CLUAP1: variants seen among roughly 807,000 people sequenced by gnomAD.
CLUAP1 encodes the protein clusterin-associated protein 1.
CLUAP1 carries 50 observed loss-of-function variants against 55.0 expected under a neutral mutation model. That is an observed-to-expected ratio of 0.91 (90% CI 0.72 to 1.15). CLUAP1 has a LOEUF of 1.15. Ranked by LOEUF, CLUAP1 falls within the 50% of genes most tolerant of loss-of-function variation. The pLI, the probability that CLUAP1 is intolerant of heterozygous loss-of-function variation, is 0.00. For synonymous variants in CLUAP1, 195 were observed against 175.4 expected, an observed-to-expected ratio of 1.11 and a Z score of -0.88; for missense variants, 530 against 507.6, an observed-to-expected ratio of 1.04 and a Z score of -0.42.
In CLUAP1 at chr16:3,528,426, G is replaced by C. The variant is rs74954991; in HGVS notation, c.928+1942G>C. On this transcript the variant is annotated intron_variant, in intron 9 of 11. Coordinates refer to ENST00000576634, the MANE Select transcript of CLUAP1 (RefSeq NM_015041.3). ...CTCAGGAAACTTTGGAGGAAGGATA[G>C]GGACTGCTGGGAAATCCTCCAGGAA... is the stretch of plus-strand genomic sequence containing the variant. Among the ~76,000 whole-genome samples, 1,363 of 152,286 alleles carry C rather than the reference G, an allele frequency of 9.0e-3. 20 individuals are homozygous for C. Among genetic ancestry groups the C allele is most frequent in the African/African-American group, 0.031 (1,304 of 41,544 alleles).
At chr16:3,505,463 G>T (rs1358338247) in intron 2 of CLUAP1, among the ~76,000 whole-genome samples, 1 of 151,390 alleles carries the variant, frequency 6.6e-6, no homozygotes, top group Non-Finnish European at 1.5e-5. Context: ...CCGGGAGGCG[G>T]AGCATGCAGT....
intron 3 of CLUAP1, among the ~76,000 whole-genome samples, chr16:3,507,491 T>G (rs1469613803): frequency 6.7e-6 from 1 of 149,980 alleles, no homozygotes; most frequent in Admixed American, 6.6e-5. Flanking sequence ...GCCCGGGAGG[T>G]TGAGGCTGCA....
intron 3 of CLUAP1, among the ~76,000 whole-genome samples, chr16:3,507,089 G>T (rs943667863): frequency 2.0e-5 from 3 of 151,754 alleles, no homozygotes; most frequent in Admixed American, 6.6e-5. Context: ...CCAGCTACTC[G>T]GGAGGCTGAG....
intron 6 of CLUAP1, among the ~76,000 whole-genome samples, chr16:3,515,965 C>T (rs1485041330): frequency 6.6e-6 from 1 of 152,166 alleles, no homozygotes; most frequent in African/African-American, 2.4e-5. Flanking sequence ...GTAGAAGGAT[C>T]ACTATTGTTT....
chr16:3,526,242 T>G (rs1170225244), intron 8 of CLUAP1, among the ~76,000 whole-genome samples, 170 bp from the exon 9 acceptor site: 1 of 152,192 alleles, frequency 6.6e-6, no homozygotes, highest in Non-Finnish European at 1.5e-5. Flanking sequence ...GGCAGTAAGT[T>G]TCAGGACCCT....
At position 3,523,304 on chromosome 16, in the gene CLUAP1, G is replaced by A. The variant is rs371974141; in HGVS notation, c.855+5G>A. The A allele has an allele frequency of 8.0e-5, 128 of 1,608,750 alleles. No homozygotes were observed. Among genetic ancestry groups the A allele is most frequent in the Middle Eastern group, 1.7e-4 (1 of 6,050 alleles). On this transcript the variant is annotated splice_donor_5th_base_variant and intron_variant, in intron 8 of 11. Coordinates refer to ENST00000576634, the MANE Select transcript of CLUAP1 (RefSeq NM_015041.3). ...ATGGAGCAAGAAAGGTTTGAGGTGA[G>A]CTGAGCCTGTCCTCTGTTCAGCCAT...
At chr16:3,511,588 T>C (rs368124108) in intron 4 of CLUAP1, among the ~76,000 whole-genome samples, 74 of 152,338 alleles carry the variant, frequency 4.9e-4, no homozygotes, top group African/African-American at 1.7e-3. Context: ...TCCCTCAGGC[T>C]GTCCCTTTGT....
intron 4 of CLUAP1, among the ~76,000 whole-genome samples, chr16:3,510,242 C>G (rs1474082729): frequency 6.6e-6 from 1 of 152,142 alleles, no homozygotes; most frequent in Non-Finnish European, 1.5e-5. Flanking sequence ...GATCTGCCCG[C>G]CTCAGCCTCC....
intron 6 of CLUAP1, among the ~76,000 whole-genome samples, chr16:3,516,500 T>C (rs969302826): frequency 7.2e-5 from 11 of 151,864 alleles, no homozygotes; most frequent in African/African-American, 1.7e-4. Flanking sequence ...TAAGTAAAAA[T>C]ATGGCAAGGA....
At chr16:3,527,540 T>C (rs1322994644) in intron 9 of CLUAP1, among the ~76,000 whole-genome samples, 2 of 151,134 alleles carry the variant, frequency 1.3e-5, no homozygotes, top group African/African-American at 4.9e-5. Context: ...GGAAAGGGAG[T>C]CTCCCTTTCC....
chr16:3,527,195 T>G (rs1325689741), intron 9 of CLUAP1, among the ~76,000 whole-genome samples: 1 of 152,094 alleles, frequency 6.6e-6, no homozygotes, highest in Non-Finnish European at 1.5e-5. Context: ...ATAAGAATAG[T>G]TATACTAGAT....
At chr16:3,503,502 G>C (rs1247567913) in intron 1 of CLUAP1, among the ~76,000 whole-genome samples, 1 of 152,026 alleles carries the variant, frequency 6.6e-6, no homozygotes, top group African/African-American at 2.4e-5. Context: ...TCACCATTTT[G>C]GTCAGGCTGG....
upstream of CLUAP1, chr16:3,496,232 T>C: frequency 1.6e-6 from 1 of 619,490 alleles, no homozygotes; most frequent in Non-Finnish European, 3.1e-6. Flanking sequence ...AAGAAGGACC[T>C]AAAGGTTCGG....
intron 10 of CLUAP1, among the ~76,000 whole-genome samples, chr16:3,530,897 C>A (rs2151069909): frequency 6.6e-6 from 1 of 152,242 alleles, no homozygotes; most frequent in Non-Finnish European, 1.5e-5. Context: ...CTGGATGGTT[C>A]ATATTTATGG....
In CLUAP1 at chr16:3,528,355, G is replaced by A. The variant is rs1412610687; in HGVS notation, c.928+1871G>A. 2.6e-5 allele frequency among the ~76,000 whole-genome samples: 4 copies of A among 152,126 alleles called. No homozygotes were observed. In the East Asian group the frequency reaches 7.7e-4, roughly 29 times the overall value. ...TTTCTCTTTCTTTGCCATTTCCCTT[G>A]TATCTCTCTCATTTTGCACCTGTTC... is the stretch of plus-strand genomic sequence containing the variant. On this transcript the variant is annotated intron_variant, in intron 9 of 11. Coordinates refer to ENST00000576634, the MANE Select transcript of CLUAP1 (RefSeq NM_015041.3).
chr16:3,538,451 T>G lies in CLUAP1; in HGVS notation c.*2180T>G, dbSNP rs1304788077. ...CACCTCAGACACCGTGGCTCTAAGA[T>G]GCGGAAGAGTCACTGCATCTTCTTG... On this transcript the variant is annotated 3_prime_UTR_variant, in exon 12 of 12. Coordinates refer to ENST00000576634, the MANE Select transcript of CLUAP1 (RefSeq NM_015041.3). The G allele has an allele frequency of 6.6e-6, 1 of 152,186 alleles. No individual in the cohort carries two copies. The highest frequency in any genetic ancestry group is 1.5e-5 in the Non-Finnish European group (1 of 68,024). The allele number at this position is 152,186 out of a possible 1,614,324, so 9.4% of individuals were successfully genotyped here.
chr16:3,502,502 G>A (rs1012237273), intron 1 of CLUAP1, among the ~76,000 whole-genome samples: 1 of 150,926 alleles, frequency 6.6e-6, no homozygotes. Flanking sequence ...TGATCCGAGG[G>A]GTCTCTTAAA....
chr16:3,507,153 G>A (rs999614046), intron 3 of CLUAP1, among the ~76,000 whole-genome samples: 6 of 150,328 alleles, frequency 4.0e-5, no homozygotes, highest in African/African-American at 9.8e-5. Flanking sequence ...CCGAGATCAC[G>A]CCACTGCACT....
intron 1 of CLUAP1, among the ~76,000 whole-genome samples, chr16:3,504,182 C>A (rs2037460262): frequency 6.6e-6 from 1 of 152,088 alleles, no homozygotes; most frequent in African/African-American, 2.4e-5. Flanking sequence ...TAAGATTTCT[C>A]TAAATACAAG....
Sources: gnomAD v4.1 joint callset for allele counts (sites outside exome capture counted in the v4.1 genomes callset) on GRCh38, gnomAD v4.1.1 for gene constraint, MANE v1.5 for transcripts, NCBI Gene and HGNC (gene_info 2026-07-23, HGNC 2026-07-21) for gene names.